Variants in FCHSD2 observed in about 807,000 individuals in gnomAD.
The protein encoded by FCHSD2 is F-BAR and double SH3 domains protein 2.
In FCHSD2, 38 loss-of-function variants were observed where a neutral mutation model predicts 108.1. That is an observed-to-expected ratio of 0.35 (90% confidence interval 0.27 to 0.46). The LOEUF (loss-of-function observed/expected upper bound fraction) is 0.46, where lower values mean the gene tolerates loss of function less well. Ranked by LOEUF, FCHSD2 falls within the 20% of genes least tolerant of loss-of-function variation. The pLI, the probability that FCHSD2 is intolerant of heterozygous loss-of-function variation, is 1.00. For synonymous variants in FCHSD2, 279 were observed against 314.7 expected, an observed-to-expected ratio of 0.89 and a Z score of 1.20; for missense variants, 751 against 897.8, an observed-to-expected ratio of 0.84 and a Z score of 2.09.
chr11:73,089,028 A>C (rs1361797859), intron 2 of FCHSD2, among the ~76,000 whole-genome samples: 1 of 152,206 alleles, frequency 6.6e-6, no homozygotes, highest in Non-Finnish European at 1.5e-5. Flanking sequence ...AGTTGTTAGT[A>C]AAAAGTTACT....
chr11:72,904,936 C>T (rs1416045780), intron 9 of FCHSD2, among the ~76,000 whole-genome samples: 1 of 152,094 alleles, frequency 6.6e-6, no homozygotes, highest in Non-Finnish European at 1.5e-5. Flanking sequence ...CCAGTATTTC[C>T]TATACATTGG....
At chr11:72,866,170 C>G (rs1225814829) in intron 13 of FCHSD2, among the ~76,000 whole-genome samples, 3 of 152,330 alleles carry the variant, frequency 2.0e-5, no homozygotes, top group Non-Finnish European at 4.4e-5. Context: ...AAAAACTCTA[C>G]AACAGTCTGA....
chr11:72,871,204 A>G (rs940421559), intron 12 of FCHSD2, among the ~76,000 whole-genome samples: 4 of 152,212 alleles, frequency 2.6e-5, no homozygotes, highest in Admixed American at 6.5e-5. Flanking sequence ...AAAGTCAGCT[A>G]ATCTGTGACA....
intron 13 of FCHSD2, 125 bp from the exon 14 acceptor site, chr11:72,850,014 A>T: frequency 1.6e-6 from 1 of 632,244 alleles, no homozygotes; most frequent in Non-Finnish European, 2.7e-6. Context: ...CATAGAAATG[A>T]CTATCTTTCG....
At chr11:73,017,281 C>A (rs140633743) in intron 3 of FCHSD2, among the ~76,000 whole-genome samples, 2 of 152,078 alleles carry the variant, frequency 1.3e-5, no homozygotes, top group South Asian at 2.1e-4. Flanking sequence ...ACCTGGCCAA[C>A]GTATTACTTT....
intron 2 of FCHSD2, among the ~76,000 whole-genome samples, chr11:73,112,145 A>G (rs1227761600): frequency 1.3e-5 from 2 of 151,484 alleles, no homozygotes; most frequent in African/African-American, 4.9e-5. Context: ...TGATTAAAGA[A>G]CTCCCTTTAG....
intron 3 of FCHSD2, among the ~76,000 whole-genome samples, chr11:73,071,503 A>G (rs939971934): frequency 6.6e-6 from 1 of 151,784 alleles, no homozygotes; most frequent in African/African-American, 2.4e-5. Flanking sequence ...CATCCTGGCC[A>G]ACATGGTGAA....
chr11:72,950,049 T>G (rs929833740), intron 8 of FCHSD2, among the ~76,000 whole-genome samples: 21 of 152,304 alleles, frequency 1.4e-4, no homozygotes, highest in African/African-American at 5.1e-4. Context: ...TTATTTTCTG[T>G]TTTTAAAAAT....
intron 9 of FCHSD2, among the ~76,000 whole-genome samples, chr11:72,907,128 CATT>C (rs1201691929): frequency 6.6e-6 from 1 of 152,120 alleles, no homozygotes; most frequent in East Asian, 1.9e-4. Context: ...GGAGTTCACT[CATT>C]ATTTGGCTCT....
chr11:72,927,382 G>GA (rs756629400), intron 8 of FCHSD2, among the ~76,000 whole-genome samples: 2 of 152,150 alleles, frequency 1.3e-5, no homozygotes, highest in Non-Finnish European at 2.9e-5. Flanking sequence ...TGTAAACTGT[G>GA]AATTTGGGGT....
At chr11:73,137,330 A>T (rs1477002978) in intron 2 of FCHSD2, among the ~76,000 whole-genome samples, 2 of 151,846 alleles carry the variant, frequency 1.3e-5, no homozygotes, top group African/African-American at 4.9e-5. Context: ...TAACTCCTTT[A>T]AAAAAAACCT....
chr11:73,081,699 C>T (rs1859690716), intron 3 of FCHSD2, among the ~76,000 whole-genome samples: 1 of 151,736 alleles, frequency 6.6e-6, no homozygotes, highest in Non-Finnish European at 1.5e-5. Flanking sequence ...GCTAAAATAG[C>T]GTATCACAGA....
chr11:73,042,462 T>A (rs1250943213), intron 3 of FCHSD2, among the ~76,000 whole-genome samples: 1 of 152,234 alleles, frequency 6.6e-6, no homozygotes, highest in East Asian at 1.9e-4. Flanking sequence ...TTACAATAGC[T>A]TTGTAGAATA....
intron 13 of FCHSD2, among the ~76,000 whole-genome samples, 179 bp downstream of exon 13, chr11:72,867,686 C>T (rs1212033534): frequency 2.0e-5 from 3 of 151,862 alleles, no homozygotes; most frequent in Non-Finnish European, 4.4e-5. Flanking sequence ...TCATTTTTTC[C>T]TCTCTTTCAC....
At chr11:72,868,245 G>A (rs1854773349) in intron 12 of FCHSD2, among the ~76,000 whole-genome samples, 1 of 152,156 alleles carries the variant, frequency 6.6e-6, no homozygotes, top group East Asian at 1.9e-4. Context: ...AACTAAGGCA[G>A]GAACAGAAAA....
chr11:73,088,470 T>TGC (rs1481780812), intron 2 of FCHSD2, among the ~76,000 whole-genome samples: 3 of 152,310 alleles, frequency 2.0e-5, no homozygotes, highest in East Asian at 3.9e-4. Context: ...TGTGTGTGTG[T>TGC]GCGTTTGTGT....
intron 2 of FCHSD2, among the ~76,000 whole-genome samples, chr11:73,093,019 T>C (rs956913626): frequency 6.6e-6 from 1 of 152,178 alleles, no homozygotes; most frequent in Non-Finnish European, 1.5e-5. Context: ...CAGTATCATC[T>C]CAACCTCTGG....
intron 2 of FCHSD2, among the ~76,000 whole-genome samples, chr11:73,094,291 A>G (rs147536321): frequency 6.6e-6 from 1 of 152,310 alleles, no homozygotes; most frequent in Non-Finnish European, 1.5e-5. Context: ...CAATGAGGAT[A>G]AAGGGCAATG....
chr11:72,906,462 G>A (rs1855632399), intron 9 of FCHSD2, among the ~76,000 whole-genome samples: 2 of 152,104 alleles, frequency 1.3e-5, no homozygotes, highest in Non-Finnish European at 2.9e-5. Flanking sequence ...GGTTTTTGTT[G>A]CCATTGCTTT....
Sources: allele counts gnomAD v4.1 joint callset (sites outside exome capture counted in the v4.1 genomes callset), GRCh38; gene constraint gnomAD v4.1.1; transcripts MANE v1.5; gene names NCBI Gene and HGNC (gene_info 2026-07-23, HGNC 2026-07-21).